Variants in PPM1H observed in about 807,000 individuals in gnomAD.
PPM1H encodes the protein protein phosphatase, Mg2+/Mn2+ dependent 1H.
In PPM1H, 27 loss-of-function variants were observed where a neutral mutation model predicts 54.9. That is an observed-to-expected ratio of 0.49 (90% CI 0.36 to 0.68). The LOEUF (loss-of-function observed/expected upper bound fraction) is 0.68, where lower values mean the gene tolerates loss of function less well. Among genes scored for constraint, PPM1H ranks in the 30% least tolerant of loss-of-function variants. The probability of loss-of-function intolerance (pLI) is 0.00; values close to 1 mark genes in which losing one functional copy is unlikely to be tolerated. For synonymous variants in PPM1H, 305 were observed against 270.8 expected (o/e 1.13, Z -1.24); for missense variants, 596 against 667.8 (o/e 0.89, Z 1.19).
chr12:62,909,580 C>T (rs1871395947), intron 1 of PPM1H, among the ~76,000 whole-genome samples: 1 of 152,220 alleles, frequency 6.6e-6, no homozygotes. Context: ...ATGTATGTCA[C>T]TCTCTGATTT....
intron 4 of PPM1H, among the ~76,000 whole-genome samples, chr12:62,781,099 G>T (rs2076639599): frequency 6.6e-6 from 1 of 152,192 alleles, no homozygotes; most frequent in Non-Finnish European, 1.5e-5. Flanking sequence ...CCGCACGGGG[G>T]CATGTCTGAC....
intron 4 of PPM1H, among the ~76,000 whole-genome samples, chr12:62,749,871 C>A (rs1169583569): frequency 6.6e-6 from 1 of 152,208 alleles, no homozygotes; most frequent in Non-Finnish European, 1.5e-5. Flanking sequence ...TTCTTCACAA[C>A]CAGCCCAGTC....
chr12:62,868,308 A>G (rs1869855431), intron 1 of PPM1H, among the ~76,000 whole-genome samples: 1 of 152,200 alleles, frequency 6.6e-6, no homozygotes, highest in African/African-American at 2.4e-5. Flanking sequence ...AGACCATGTA[A>G]CATCTGAGCC....
At chr12:62,933,505 C>G (rs1453914378) in intron 1 of PPM1H, among the ~76,000 whole-genome samples, 2 of 152,130 alleles carry the variant, frequency 1.3e-5, no homozygotes, top group African/African-American at 4.8e-5. Flanking sequence ...AAGGAAAAGG[C>G]GCAGGTGTGC....
intron 2 of PPM1H, among the ~76,000 whole-genome samples, chr12:62,805,769 A>C (rs1393670831): frequency 1.3e-5 from 2 of 152,218 alleles, no homozygotes; most frequent in Non-Finnish European, 2.9e-5. Flanking sequence ...CTGGGGATCG[A>C]ATGTACAGTA....
chr12:62,848,439 C>A (rs534185317), intron 1 of PPM1H, among the ~76,000 whole-genome samples: 2 of 152,322 alleles, frequency 1.3e-5, no homozygotes, highest in Admixed American at 1.3e-4. Flanking sequence ...ATCTAGGACA[C>A]TTTCCATGGC....
intron 5 of PPM1H, chr12:62,720,522 C>T (rs1219722326): frequency 2.0e-6 from 1 of 497,436 alleles, no homozygotes; most frequent in Non-Finnish European, 3.6e-6. Flanking sequence ...TTAATTGTAA[C>T]CAAATGCATA....
chr12:62,664,227 A>G (rs375765572), intron 9 of PPM1H, among the ~76,000 whole-genome samples: 15 of 152,302 alleles, frequency 9.8e-5, no homozygotes, highest in Middle Eastern at 6.8e-3. Context: ...GATAATAGTC[A>G]TTTCTGGCAG....
intron 4 of PPM1H, among the ~76,000 whole-genome samples, chr12:62,743,223 G>A (rs2076392162): frequency 6.6e-6 from 1 of 152,108 alleles, no homozygotes; most frequent in East Asian, 1.9e-4. Context: ...TGTGGTGGCA[G>A]GCGCCTGTAG....
At chr12:62,837,928 A>T (rs1366144761) in intron 1 of PPM1H, among the ~76,000 whole-genome samples, 1 of 152,110 alleles carries the variant, frequency 6.6e-6, no homozygotes, top group Non-Finnish European at 1.5e-5. Context: ...AAGGCATGAC[A>T]CTTCCCAGAA....
chr12:62,727,410 T>C (rs2120488727), intron 5 of PPM1H, among the ~76,000 whole-genome samples: 1 of 152,214 alleles, frequency 6.6e-6, no homozygotes, highest in Non-Finnish European at 1.5e-5. Flanking sequence ...AAGGCCCATA[T>C]TGTATAAAAA....
chr12:62,745,276 C>T lies in PPM1H; in HGVS notation c.870-7690G>A, dbSNP rs538000269. Among the ~76,000 whole-genome samples the T allele has an allele frequency of 2.6e-4, 39 of 152,176 alleles. No homozygotes were observed. In the Middle Eastern group the frequency reaches 0.01, roughly 40 times the overall value. On this transcript the variant is annotated intron_variant, in intron 4 of 9. Coordinates refer to ENST00000228705, the MANE Select transcript of PPM1H (RefSeq NM_020700.2). ...GAGGCCTCACTATGTTGCCTAGGCT[C>T]GTCGCGAATGCCTGGGCTCAAGCAA...
chr12:62,922,336 C>CT (rs60390481), intron 1 of PPM1H, among the ~76,000 whole-genome samples: 73 of 148,182 alleles, frequency 4.9e-4, no homozygotes, highest in African/African-American at 9.6e-4. Context: ...GATAGGATGT[C>CT]TTTTTTTTTT....
intron 3 of PPM1H, among the ~76,000 whole-genome samples, chr12:62,791,361 T>C (rs776587897): frequency 5.3e-5 from 8 of 152,134 alleles, no homozygotes; most frequent in Non-Finnish European, 1.2e-4. Flanking sequence ...AAGATGCCTG[T>C]TTAACCTCCA....
intron 2 of PPM1H, among the ~76,000 whole-genome samples, chr12:62,823,869 A>G (rs922907723): frequency 5.3e-5 from 8 of 152,144 alleles, no homozygotes; most frequent in Non-Finnish European, 1.2e-4. Context: ...CACCACTCCT[A>G]TTTCAACATA....
At chr12:62,656,426 C>T (rs1040161117) in intron 9 of PPM1H, among the ~76,000 whole-genome samples, 1 of 152,150 alleles carries the variant, frequency 6.6e-6, no homozygotes, top group Non-Finnish European at 1.5e-5. Context: ...ATATTAAATG[C>T]CTTTCTCCTC....
At chr12:62,907,740 T>C (rs1871342236) in intron 1 of PPM1H, among the ~76,000 whole-genome samples, 1 of 152,130 alleles carries the variant, frequency 6.6e-6, no homozygotes, top group African/African-American at 2.4e-5. Flanking sequence ...TCATCCTAAG[T>C]TTTCTACTAG....
At position 62,802,098 on chromosome 12, in the gene PPM1H, G is replaced by A. The variant is rs757871867; in HGVS notation, c.474C>T (p.Ala158=). The change falls in exon 3 of 10, where the codon GCC becomes GCT. Residue 158 remains alanine, a synonymous_variant. Transcript: ENST00000228705. ...SLFDGHAGSG[A]AVVASRLLQH... ...GCAGCAGGCGTGACGCCACCACCGC[G>A]GCCCCGGACCCCGCGTGCCCGTCAA... The A allele has an allele frequency of 1.6e-5, 25 of 1,607,768 alleles. No individual in the cohort carries two copies. Among genetic ancestry groups the A allele is most frequent in the African/African-American group, 5.4e-5 (4 of 74,694 alleles).
chr12:62,658,947 A>C lies in PPM1H; in HGVS notation c.1397+8231T>G, dbSNP rs2075863792. 7 of 699,878 alleles carry C rather than the reference A, an allele frequency of 1.0e-5. No homozygotes were observed. In the Admixed American group the frequency reaches 1.2e-4, roughly 12 times the overall value. 43.4% of individuals were successfully genotyped at this position (699,878 alleles called of 1,614,324 possible). A position where few individuals can be genotyped will look rare whatever the true frequency, so the allele number is the denominator to read the frequency against. ...TGGCAGAAACCCAGAGGTACTGACA[A>C]CAGGGCTCATAGAAGGTTCAAAGGC... On this transcript the variant is annotated intron_variant, in intron 9 of 9. Transcript: ENST00000228705.
Sources: allele counts gnomAD v4.1 joint callset (sites outside exome capture counted in the v4.1 genomes callset), GRCh38; gene constraint gnomAD v4.1.1; transcripts MANE v1.5; gene names NCBI Gene and HGNC (gene_info 2026-07-23, HGNC 2026-07-21).